Variants in KSR2 observed in about 807,000 individuals in gnomAD.
KSR2 encodes the protein kinase suppressor of ras 2.
A neutral mutation model predicts 107.8 loss-of-function variants in KSR2; 25 were observed. That is an observed-to-expected ratio of 0.23 (90% CI 0.17 to 0.32). The LOEUF is 0.32. Among genes scored for constraint, KSR2 ranks in the 10% least tolerant of loss-of-function variants. The pLI is 1.00. For missense variants in KSR2, 887 were observed against 1,268.9 expected, an observed-to-expected ratio of 0.70 and a Z score of 4.57; for synonymous variants, 480 against 507.0, an observed-to-expected ratio of 0.95 and a Z score of 0.71.
intron 5 of KSR2, among the ~76,000 whole-genome samples, chr12:117,660,895 C>T (rs2136464171): frequency 6.6e-6 from 1 of 152,316 alleles, no homozygotes; most frequent in Admixed American, 6.5e-5. Flanking sequence ...AACTCCCATC[C>T]CATCACAGAG....
chr12:117,560,063 T>C (rs906759356), intron 7 of KSR2, among the ~76,000 whole-genome samples: 1 of 152,178 alleles, frequency 6.6e-6, no homozygotes, highest in Non-Finnish European at 1.5e-5. Flanking sequence ...GGTTTGAATA[T>C]GCAGGCACAG....
intron 7 of KSR2, among the ~76,000 whole-genome samples, chr12:117,574,948 C>T (rs1053676450): frequency 2.0e-5 from 3 of 151,048 alleles, no homozygotes; most frequent in African/African-American, 4.9e-5. Context: ...ATCCAGGCTT[C>T]GGGAAGGGCT....
At chr12:117,855,129 C>T (rs1269322635) in intron 3 of KSR2, among the ~76,000 whole-genome samples, 1 of 152,204 alleles carries the variant, frequency 6.6e-6, no homozygotes, top group Non-Finnish European at 1.5e-5. Flanking sequence ...AGTAAAAAGA[C>T]CCTGGTCTCC....
chr12:117,807,715 A>G (rs1444673184), intron 3 of KSR2, among the ~76,000 whole-genome samples: 1 of 152,260 alleles, frequency 6.6e-6, no homozygotes, highest in Non-Finnish European at 1.5e-5. Flanking sequence ...ACTATGTGCC[A>G]GGCACAGTTT....
At chr12:117,914,348 G>A (rs61945386) in intron 1 of KSR2, among the ~76,000 whole-genome samples, 2,237 of 149,876 alleles carry the variant, frequency 0.015, 31 homozygotes, top group Middle Eastern at 0.055. Context: ...AGAATCGCTC[G>A]AACCCAGGAG....
intron 4 of KSR2, chr12:117,674,500 T>A: frequency 2.3e-6 from 1 of 440,432 alleles, no homozygotes. Context: ...TACGCATTAG[T>A]CACTCCCATT....
rs900913400 is a variant in KSR2, at chr12:117,467,018, G to A, written c.*181C>T. ...TCGGGGGTCCCCAACCCTGCCCGAG[G>A]AAAAGGGCTCAAGTCTGAGGTGCAG... On this transcript the variant is annotated 3_prime_UTR_variant, in exon 20 of 20. Coordinates refer to ENST00000339824, the MANE Select transcript of KSR2 (RefSeq NM_173598.6). 8 of 477,934 alleles carry A rather than the reference G, an allele frequency of 1.7e-5. No homozygotes were observed. The highest frequency in any genetic ancestry group is 3.0e-5 in the Non-Finnish European group (8 of 270,874). 29.6% of individuals were successfully genotyped at this position (477,934 alleles called of 1,614,324 possible).
At chr12:117,767,933 G>A (rs1487327631) in intron 3 of KSR2, among the ~76,000 whole-genome samples, 8 of 152,136 alleles carry the variant, frequency 5.3e-5, no homozygotes, top group Admixed American at 4.6e-4. Flanking sequence ...CCCAGAGAGG[G>A]AGGTGGTCTC....
chr12:117,813,870 C>A (rs965752963), intron 3 of KSR2, among the ~76,000 whole-genome samples: 2 of 152,124 alleles, frequency 1.3e-5, no homozygotes, highest in African/African-American at 2.4e-5. Flanking sequence ...TATGGATTGA[C>A]CCAAGTGTCC....
chr12:117,768,535 T>C (rs1321155934), intron 3 of KSR2, among the ~76,000 whole-genome samples: 1 of 151,982 alleles, frequency 6.6e-6, no homozygotes, highest in African/African-American at 2.4e-5. Flanking sequence ...AGGGCTCCTG[T>C]GTGTAGGGAA....
chr12:117,958,179 A>T (rs1200957482), intron 1 of KSR2, among the ~76,000 whole-genome samples: 1 of 152,092 alleles, frequency 6.6e-6, no homozygotes, highest in African/African-American at 2.4e-5. Context: ...CCATTACCCC[A>T]GGTACCAAGG....
At position 117,779,801 on chromosome 12, in the gene KSR2, A is replaced by C. The variant is rs543462278; in HGVS notation, c.473-18277T>G. ...GCCTCCCCAGCCATGCAGAACTATA[A>C]GTCAATTAAACTCTTTCCTTTATAA... is the stretch of plus-strand genomic sequence containing the variant. On this transcript the variant is annotated intron_variant, in intron 3 of 19. Coordinates refer to ENST00000339824, the MANE Select transcript of KSR2 (RefSeq NM_173598.6). Among the ~76,000 whole-genome samples the C allele has an allele frequency of 1.6e-3, 246 of 152,336 alleles. 1 individual carries two copies. Among genetic ancestry groups the C allele is most frequent in the African/African-American group, 5.7e-3 (236 of 41,570 alleles).
chr12:117,562,278 G>A (rs1189960157), intron 7 of KSR2, among the ~76,000 whole-genome samples: 1 of 151,562 alleles, frequency 6.6e-6, no homozygotes, highest in East Asian at 1.9e-4. Context: ...GAGGGGGTGG[G>A]GACCCCAAAA....
At chr12:117,948,832 G>A (rs113338564) in intron 1 of KSR2, among the ~76,000 whole-genome samples, 5,618 of 152,270 alleles carry the variant, frequency 0.037, 371 homozygotes, top group African/African-American at 0.13. Flanking sequence ...AGTGGCTCAC[G>A]TCTGTAATCC....
intron 1 of KSR2, among the ~76,000 whole-genome samples, chr12:117,865,316 A>T (rs184868419): frequency 6.6e-6 from 1 of 152,304 alleles, no homozygotes; most frequent in Non-Finnish European, 1.5e-5. Context: ...ATTACATGAA[A>T]GATATACAAA....
chr12:117,467,455 A>T lies in KSR2; in HGVS notation c.2847-250T>A, dbSNP rs143339356. On this transcript the variant is annotated intron_variant, in intron 19 of 19. Coordinates refer to ENST00000339824, the MANE Select transcript of KSR2 (RefSeq NM_173598.6). ...GGCTACTAATATTTTCAAAGATGAA[A>T]ATAATCAGAGACGAACTTCTACGAC... Among the ~76,000 whole-genome samples the T allele has an allele frequency of 3.5e-3, 536 of 152,398 alleles. 3 individuals are homozygous for T. The highest frequency in any genetic ancestry group is 0.012 in the African/African-American group (516 of 41,600).
At chr12:117,567,450 T>C (rs1008932053) in intron 7 of KSR2, among the ~76,000 whole-genome samples, 1 of 151,980 alleles carries the variant, frequency 6.6e-6, no homozygotes, top group Non-Finnish European at 1.5e-5. Flanking sequence ...GGTCTCGTCA[T>C]GAAGTTGGAT....
intron 4 of KSR2, among the ~76,000 whole-genome samples, chr12:117,677,439 A>G (rs1204567047): frequency 6.6e-6 from 1 of 152,204 alleles, no homozygotes; most frequent in Non-Finnish European, 1.5e-5. Flanking sequence ...GGCCATCTGC[A>G]AGACACAGAG....
chr12:117,646,266 T>C (rs996073792), intron 5 of KSR2, among the ~76,000 whole-genome samples: 1 of 152,172 alleles, frequency 6.6e-6, no homozygotes, highest in African/African-American at 2.4e-5. Flanking sequence ...AGGGCTATTG[T>C]CTTGCAAAGC....
Sources: allele counts gnomAD v4.1 joint callset (sites outside exome capture counted in the v4.1 genomes callset), GRCh38; gene constraint gnomAD v4.1.1; transcripts MANE v1.5; gene names NCBI Gene and HGNC (gene_info 2026-07-23, HGNC 2026-07-21).